The following SLC39A11 variants were observed in gnomAD, a reference collection of about 807,000 sequenced individuals.
SLC39A11 encodes the protein zinc transporter ZIP11.
In SLC39A11, 33 loss-of-function variants were observed where a neutral mutation model predicts 36.1. That is an observed-to-expected ratio of 0.91 (90% CI 0.69 to 1.22). The LOEUF (loss-of-function observed/expected upper bound fraction) is 1.22. SLC39A11 is among the 50% of genes most tolerant of loss of function. The probability of loss-of-function intolerance (pLI) is 0.00; values close to 1 mark genes in which losing one functional copy is unlikely to be tolerated. For missense variants in SLC39A11, 432 were observed against 430.3 expected (o/e 1.00, Z -0.03); for synonymous variants, 166 against 170.3 (o/e 0.97, Z 0.20).
At chr17:72,791,414 T>C (rs2145075191) in intron 6 of SLC39A11, among the ~76,000 whole-genome samples, 1 of 152,318 alleles carries the variant, frequency 6.6e-6, no homozygotes, top group East Asian at 1.9e-4. Context: ...ATAGTGTCAC[T>C]GCACTCCAGA....
At chr17:72,804,902 C>A (rs1038697755) in intron 6 of SLC39A11, among the ~76,000 whole-genome samples, 3 of 152,058 alleles carry the variant, frequency 2.0e-5, no homozygotes, top group African/African-American at 7.2e-5. Context: ...CACCTTTAAT[C>A]CCATTCGGGA....
intron 6 of SLC39A11, among the ~76,000 whole-genome samples, chr17:72,842,922 T>C (rs555201583): frequency 6.6e-6 from 1 of 152,300 alleles, no homozygotes; most frequent in African/African-American, 2.4e-5. Flanking sequence ...ACTATACTTT[T>C]CTTTGTCCTC....
intron 5 of SLC39A11, among the ~76,000 whole-genome samples, chr17:72,864,460 C>T (rs974843714): frequency 1.3e-5 from 2 of 152,222 alleles, no homozygotes; most frequent in South Asian, 2.1e-4. Flanking sequence ...AGGTGGACAT[C>T]TAATGGCCTC....
chr17:72,726,066 T>C (rs1409428631), intron 7 of SLC39A11, among the ~76,000 whole-genome samples: 1 of 152,188 alleles, frequency 6.6e-6, no homozygotes, highest in Admixed American at 6.5e-5. Flanking sequence ...CTGGGAATGC[T>C]GAGACCCAAG....
chr17:72,941,611 T>C (rs2085104106), intron 5 of SLC39A11, among the ~76,000 whole-genome samples: 1 of 151,462 alleles, frequency 6.6e-6, no homozygotes, highest in Non-Finnish European at 1.5e-5. Flanking sequence ...GAGTGCTCCA[T>C]ATTAGGCCAA....
chr17:72,891,282 G>T (rs536560399), intron 5 of SLC39A11, among the ~76,000 whole-genome samples: 4 of 152,112 alleles, frequency 2.6e-5, no homozygotes, highest in Non-Finnish European at 4.4e-5. Context: ...TTAGCTGGGC[G>T]TGGTGGCACA....
chr17:72,714,226 C>T (rs927450323), intron 7 of SLC39A11, among the ~76,000 whole-genome samples: 6 of 151,924 alleles, frequency 3.9e-5, no homozygotes, highest in Non-Finnish European at 5.9e-5. Context: ...TGTAGTGGTG[C>T]GCACCTGTAC....
chr17:73,009,368 A>G (rs1207186358), intron 4 of SLC39A11, among the ~76,000 whole-genome samples: 2 of 151,928 alleles, frequency 1.3e-5, no homozygotes, highest in Admixed American at 6.6e-5. Context: ...AAAAAAAAAA[A>G]AAAAAGAAAA....
At chr17:72,928,711 G>A (rs537507777) in intron 5 of SLC39A11, among the ~76,000 whole-genome samples, 2 of 152,246 alleles carry the variant, frequency 1.3e-5, no homozygotes, top group East Asian at 1.9e-4. Context: ...CTCCCTGGCC[G>A]TACCTCAAGC....
chr17:72,717,934 C>CT (rs1219977087), intron 7 of SLC39A11, among the ~76,000 whole-genome samples: 1 of 152,210 alleles, frequency 6.6e-6, no homozygotes, highest in Non-Finnish European at 1.5e-5. Context: ...GTTTTCCCTT[C>CT]TTTCCCCCTT....
At chr17:72,712,216 G>GT (rs1227960244) in intron 7 of SLC39A11, among the ~76,000 whole-genome samples, 1 of 152,212 alleles carries the variant, frequency 6.6e-6, no homozygotes, top group Non-Finnish European at 1.5e-5. Flanking sequence ...GACAGACAGG[G>GT]GACAGGCTCC....
At position 72,877,916 on chromosome 17, in the gene SLC39A11, G is replaced by A. The variant is rs554385010; in HGVS notation, c.431-28112C>T. Among the ~76,000 whole-genome samples the A allele has an allele frequency of 6.6e-5, 10 of 151,458 alleles. 1 individual carries two copies. The highest frequency in any genetic ancestry group is 1.9e-4 in the African/African-American group (8 of 41,202). On this transcript the variant is annotated intron_variant, in intron 5 of 9. Transcript: ENST00000255559. ...CATGTGCCATGTTGGTGTGCTGCAC[G>A]CATTAACTCATCATTTAGCGTTAAG...
At chr17:72,708,329 C>A (rs1267750343) in intron 7 of SLC39A11, among the ~76,000 whole-genome samples, 1 of 152,166 alleles carries the variant, frequency 6.6e-6, no homozygotes, top group East Asian at 1.9e-4. Flanking sequence ...AAGACTGATC[C>A]ACCACCAAGT....
At chr17:72,711,629 C>A (rs2073107122) in intron 7 of SLC39A11, among the ~76,000 whole-genome samples, 1 of 152,198 alleles carries the variant, frequency 6.6e-6, no homozygotes, top group Non-Finnish European at 1.5e-5. Flanking sequence ...TGAAGTACTG[C>A]AAGTAACAAG....
intron 6 of SLC39A11, among the ~76,000 whole-genome samples, chr17:72,828,791 C>T (rs2078141541): frequency 6.6e-6 from 1 of 152,148 alleles, no homozygotes; most frequent in South Asian, 2.1e-4. Context: ...AGGACCTGTG[C>T]TGTCACTGCT....
intron 7 of SLC39A11, among the ~76,000 whole-genome samples, chr17:72,715,442 G>A (rs114399918): frequency 7.2e-5 from 11 of 152,262 alleles, no homozygotes; most frequent in East Asian, 5.8e-4. Context: ...TGATGCATCC[G>A]TGCAACCTAA....
At chr17:72,863,889 T>G (rs527633861) in intron 5 of SLC39A11, among the ~76,000 whole-genome samples, 1 of 152,192 alleles carries the variant, frequency 6.6e-6, no homozygotes, top group Non-Finnish European at 1.5e-5. Context: ...TTTTCCCCTT[T>G]CCATTCACGT....
intron 7 of SLC39A11, among the ~76,000 whole-genome samples, chr17:72,688,030 G>T (rs760705099): frequency 7.2e-5 from 11 of 152,160 alleles, no homozygotes; most frequent in African/African-American, 1.2e-4. Context: ...CCAAGCCGGG[G>T]ACAAACAGGA....
At chr17:72,903,152 G>A (rs2082480572) in intron 5 of SLC39A11, among the ~76,000 whole-genome samples, 2 of 151,666 alleles carry the variant, frequency 1.3e-5, no homozygotes, top group Admixed American at 6.6e-5. Context: ...TGTAATCCCA[G>A]CTACTTGAGG....
Sources: gnomAD v4.1 joint callset for allele counts (sites outside exome capture counted in the v4.1 genomes callset) on GRCh38, gnomAD v4.1.1 for gene constraint, MANE v1.5 for transcripts, NCBI Gene and HGNC (gene_info 2026-07-23, HGNC 2026-07-21) for gene names.